The following RHBDD1 variants were observed in gnomAD, a reference collection of about 807,000 sequenced individuals.
The protein encoded by RHBDD1 is rhomboid domain containing 1, also known as rhomboid-related protein 4.
Under a neutral mutation model 36.3 loss-of-function variants are expected in RHBDD1, and 38 were observed. The ratio of observed to expected loss-of-function variants is 1.05; its 90% CI spans 0.81 to 1.37. The LOEUF (loss-of-function observed/expected upper bound fraction) is 1.37. Among genes scored for constraint, RHBDD1 ranks in the 40% most tolerant of loss-of-function variants. The pLI is 0.00. For synonymous variants in RHBDD1, 151 were observed against 136.5 expected (o/e 1.11, Z -0.74); for missense variants, 393 against 377.6 (o/e 1.04, Z -0.34).
chr2:226,908,849 C>G lies in RHBDD1; in HGVS notation c.683C>G (p.Pro228Arg), dbSNP rs181841165. Residue 228 changes from proline (P) to arginine (R), a missense_variant, in exon 7 of 9, where the codon CCA (proline) becomes CGA (arginine). Pro to Arg is a moderately radical substitution (Grantham distance 103). Transcript: ENST00000392062. The stretch of plus-strand genomic sequence containing the variant: ...GGTTTTTCCTCCAGTGTTGGTTACC[C>G]AGGACGGCAATACTACTTTAATAGT... ...AGGFSSSVGY[P>R]GRQYYFNSSG... 1 of 1,607,822 alleles carries G rather than the reference C, an allele frequency of 6.2e-7. No individual in the cohort carries two copies. Among genetic ancestry groups the G allele is most frequent in the African/African-American group, 1.3e-5 (1 of 74,898 alleles).
intron 8 of RHBDD1, among the ~76,000 whole-genome samples, chr2:226,923,614 A>G (rs1286194524): frequency 1.3e-5 from 2 of 151,504 alleles, no homozygotes; most frequent in Non-Finnish European, 2.9e-5. Flanking sequence ...TTCTACTTCT[A>G]TCCCTCTCTC....
At chr2:226,878,930 TC>T (rs1157397019) in intron 5 of RHBDD1, among the ~76,000 whole-genome samples, 1 of 152,042 alleles carries the variant, frequency 6.6e-6, no homozygotes, top group East Asian at 1.9e-4. Flanking sequence ...TGGGGACAGA[TC>T]CATACTGAGT....
At chr2:226,830,768 G>A (rs139051699), upstream of RHBDD1, among the ~76,000 whole-genome samples, 5 of 152,272 alleles carry the variant, frequency 3.3e-5, no homozygotes, top group South Asian at 6.2e-4. Flanking sequence ...GAACTACTGA[G>A]CTCAAGTGAT....
chr2:226,895,308 C>G (rs546774919), intron 5 of RHBDD1, among the ~76,000 whole-genome samples: 1 of 152,178 alleles, frequency 6.6e-6, no homozygotes, highest in Non-Finnish European at 1.5e-5. Context: ...TTTCTGAGCT[C>G]TCCTGCTGCC....
chr2:226,861,487 T>C (rs1295085453), intron 3 of RHBDD1, among the ~76,000 whole-genome samples: 3 of 152,242 alleles, frequency 2.0e-5, no homozygotes, highest in African/African-American at 7.2e-5. Context: ...ATCTATATTC[T>C]TCATTACTAA....
the RHBDD1 span, among the ~76,000 whole-genome samples, chr2:226,812,138 A>C: frequency 6.6e-6 from 1 of 152,248 alleles, no homozygotes; most frequent in Non-Finnish European, 1.5e-5. Context: ...ATGCAGATAG[A>C]TTCAATTGAG....
At chr2:226,822,332 C>T in the RHBDD1 span, among the ~76,000 whole-genome samples, 33 of 144,582 alleles carry the variant, frequency 2.3e-4, no homozygotes, top group African/African-American at 7.6e-4. Flanking sequence ...TGCTCTTTTG[C>T]GTACATTAAG....
chr2:226,849,493 A>G (rs887526191), intron 3 of RHBDD1, among the ~76,000 whole-genome samples: 1 of 152,184 alleles, frequency 6.6e-6, no homozygotes, highest in Non-Finnish European at 1.5e-5. Flanking sequence ...GTCTCAGGCT[A>G]AGGTGTGATG....
intron 8 of RHBDD1, among the ~76,000 whole-genome samples, chr2:226,926,355 A>G (rs1040718581): frequency 2.0e-5 from 3 of 152,166 alleles, no homozygotes; most frequent in African/African-American, 7.2e-5. Context: ...AATTTTCTCA[A>G]AGAGTATGTT....
chr2:226,943,148 C>T (rs772006413), intron 8 of RHBDD1, among the ~76,000 whole-genome samples: 2 of 152,096 alleles, frequency 1.3e-5, no homozygotes, highest in Admixed American at 6.6e-5. Flanking sequence ...AAACTATAAT[C>T]GTGTTGTACT....
chr2:226,868,753 C>T (rs1944541641), intron 5 of RHBDD1, among the ~76,000 whole-genome samples: 1 of 152,224 alleles, frequency 6.6e-6, no homozygotes, highest in African/African-American at 2.4e-5. Flanking sequence ...TCACGGGCAG[C>T]CACTGGCAGC....
chr2:226,849,657 G>T (rs78205228), intron 3 of RHBDD1, among the ~76,000 whole-genome samples: 1 of 152,378 alleles, frequency 6.6e-6, no homozygotes, highest in African/African-American at 2.4e-5. Context: ...CAACGACAGA[G>T]AGTCAAGGCA....
intron 5 of RHBDD1, among the ~76,000 whole-genome samples, chr2:226,903,607 A>G (rs1314794122): frequency 1.3e-5 from 2 of 152,188 alleles, no homozygotes; most frequent in Non-Finnish European, 2.9e-5. Context: ...ATGGGAAAAA[A>G]TGTTCAATCC....
At chr2:226,985,665 C>A (rs1956771115) in intron 8 of RHBDD1, among the ~76,000 whole-genome samples, 1 of 152,264 alleles carries the variant, frequency 6.6e-6, no homozygotes, top group Non-Finnish European at 1.5e-5. Context: ...GCGGCCTGGG[C>A]TCTGTGGGAA....
intron 5 of RHBDD1, among the ~76,000 whole-genome samples, chr2:226,891,923 TG>T (rs1410692252): frequency 6.6e-6 from 1 of 152,200 alleles, no homozygotes; most frequent in Non-Finnish European, 1.5e-5. Context: ...GGTATCTGAT[TG>T]GCCAGTGCAG....
intron 8 of RHBDD1, among the ~76,000 whole-genome samples, chr2:226,948,565 A>AT (rs1951174594): frequency 3.0e-5 from 2 of 66,094 alleles, no homozygotes; most frequent in African/African-American, 7.2e-5. Context: ...CTTAAAGTAT[A>AT]AAAAAAAAAA....
At chr2:226,826,422 G>A in the RHBDD1 span, among the ~76,000 whole-genome samples, 1 of 151,962 alleles carries the variant, frequency 6.6e-6, no homozygotes. Context: ...AATTAACCTT[G>A]GCATGTCTAC....
intron 3 of RHBDD1, among the ~76,000 whole-genome samples, chr2:226,842,679 G>A (rs4675104): frequency 0.19 from 29,443 of 151,990 alleles, 4,674 homozygotes; most frequent in African/African-American, 0.44. Context: ...TGCTGTTTTC[G>A]TTACTGTAGC....
intron 5 of RHBDD1, among the ~76,000 whole-genome samples, chr2:226,881,789 T>C (rs1461909494): frequency 6.6e-6 from 1 of 152,236 alleles, no homozygotes; most frequent in Non-Finnish European, 1.5e-5. Context: ...ATAACAAAAA[T>C]TATTCCACTG....
Sources: allele counts gnomAD v4.1 joint callset (sites outside exome capture counted in the v4.1 genomes callset), GRCh38; gene constraint gnomAD v4.1.1; transcripts MANE v1.5; gene names NCBI Gene and HGNC (gene_info 2026-07-23, HGNC 2026-07-21).